The following ZSWIM5 variants were observed in gnomAD, a reference collection of about 807,000 sequenced individuals.
The protein encoded by ZSWIM5 is zinc finger SWIM domain-containing protein 5.
In ZSWIM5, 55 loss-of-function variants were observed where a neutral mutation model predicts 119.6. The ratio of observed to expected loss-of-function variants is 0.46; its 90% CI spans 0.37 to 0.58. The LOEUF is 0.58. Among genes scored for constraint, ZSWIM5 ranks in the 20% least tolerant of loss-of-function variants. The pLI, the probability that ZSWIM5 is intolerant of heterozygous loss-of-function variation, is 0.00. For missense variants in ZSWIM5, 1,193 were observed against 1,512.8 expected, an observed-to-expected ratio of 0.79 and a Z score of 3.51; for synonymous variants, 537 against 606.9, an observed-to-expected ratio of 0.88 and a Z score of 1.69.
intron 12 of ZSWIM5, 68 bp from the exon 13 acceptor site, chr1:45,020,215 T>A: frequency 7.9e-7 from 1 of 1,273,404 alleles, no homozygotes; most frequent in Non-Finnish European, 1.1e-6. Flanking sequence ...CCCCTTGCAT[T>A]CATTTATGCG....
chr1:45,075,044 A>T lies in ZSWIM5; in HGVS notation c.952+12837T>A, dbSNP rs990973383. Among the ~76,000 whole-genome samples, 20 of 151,694 alleles carry T rather than the reference A, an allele frequency of 1.3e-4. 1 individual carries two copies. Among genetic ancestry groups the T allele is most frequent in the African/African-American group, 4.9e-4 (20 of 41,140 alleles). ...GTTTCCAAAATTCCTCTTGTTATTG[A>T]TTTCTAGTTTTATTCCATTGTGGTC... On this transcript the variant is annotated intron_variant, in intron 2 of 13. Transcript: ENST00000359600.
At chr1:45,068,007 T>C (rs1645195557) in intron 2 of ZSWIM5, among the ~76,000 whole-genome samples, 1 of 151,946 alleles carries the variant, frequency 6.6e-6, no homozygotes, top group Admixed American at 6.6e-5. Context: ...AACCATTGTG[T>C]GGGTTCAGCC....
At chr1:45,097,735 T>G (rs1176761206) in intron 1 of ZSWIM5, among the ~76,000 whole-genome samples, 1 of 152,154 alleles carries the variant, frequency 6.6e-6, no homozygotes. Context: ...AAGGTCTCAC[T>G]CTGTCACCCA....
intron 1 of ZSWIM5, among the ~76,000 whole-genome samples, chr1:45,152,107 C>G (rs546793885): frequency 1.3e-5 from 2 of 152,184 alleles, no homozygotes; most frequent in East Asian, 3.9e-4. Flanking sequence ...CCATGTAGAC[C>G]ATACTTGGAT....
intron 1 of ZSWIM5, 44 bp downstream of exon 1, chr1:45,205,712 G>C (rs890033092): frequency 2.4e-5 from 36 of 1,482,188 alleles, no homozygotes; most frequent in Non-Finnish European, 3.1e-5. Flanking sequence ...GGCACCCGCG[G>C]AAGAGGAGGC....
At chr1:45,194,058 G>A (rs1327552108) in intron 1 of ZSWIM5, among the ~76,000 whole-genome samples, 1 of 151,986 alleles carries the variant, frequency 6.6e-6, no homozygotes, top group East Asian at 1.9e-4. Flanking sequence ...TCACAATAGG[G>A]AGCCATAATG....
intron 1 of ZSWIM5, among the ~76,000 whole-genome samples, chr1:45,145,873 G>A (rs1645756611): frequency 6.6e-6 from 1 of 152,164 alleles, no homozygotes; most frequent in Non-Finnish European, 1.5e-5. Context: ...AAGCAAAGGA[G>A]ACTGAGATGG....
chr1:45,127,036 G>A (rs1645625951), intron 1 of ZSWIM5, among the ~76,000 whole-genome samples: 1 of 152,054 alleles, frequency 6.6e-6, no homozygotes, highest in African/African-American at 2.4e-5. Flanking sequence ...CCTTTACCCT[G>A]ATACCAAAAC....
intron 1 of ZSWIM5, among the ~76,000 whole-genome samples, chr1:45,104,613 A>G (rs569731761): frequency 6.6e-6 from 1 of 152,324 alleles, no homozygotes; most frequent in South Asian, 2.1e-4. Flanking sequence ...CAAAGTGAGG[A>G]GCAGTATTGT....
intron 1 of ZSWIM5, among the ~76,000 whole-genome samples, chr1:45,165,959 T>A (rs1249779559): frequency 1.3e-5 from 2 of 152,076 alleles, no homozygotes; most frequent in African/African-American, 4.8e-5. Flanking sequence ...CCTCCCTAAC[T>A]CATTTTATGA....
At chr1:45,157,421 C>T (rs746599823) in intron 1 of ZSWIM5, among the ~76,000 whole-genome samples, 1 of 152,120 alleles carries the variant, frequency 6.6e-6, no homozygotes, top group Non-Finnish European at 1.5e-5. Context: ...GTGATCCTCC[C>T]ACCTTGGCCT....
chr1:45,148,871 A>G (rs1454164306), intron 1 of ZSWIM5, among the ~76,000 whole-genome samples: 1 of 152,256 alleles, frequency 6.6e-6, no homozygotes, highest in Non-Finnish European at 1.5e-5. Flanking sequence ...TGCTTGTCCT[A>G]TAATATTCAT....
intron 1 of ZSWIM5, among the ~76,000 whole-genome samples, chr1:45,162,851 C>A (rs1055701103): frequency 2.6e-5 from 4 of 152,240 alleles, no homozygotes; most frequent in Non-Finnish European, 5.9e-5. Context: ...CCCACCACAG[C>A]TCAAGGAGGC....
intron 1 of ZSWIM5, among the ~76,000 whole-genome samples, chr1:45,190,919 T>C (rs1646087481): frequency 7.5e-6 from 1 of 133,556 alleles, no homozygotes; most frequent in East Asian, 2.2e-4. Context: ...TCGACTGAAA[T>C]AGCTGGAATT....
At chr1:45,062,508 GTTGT>G (rs1645158695) in intron 2 of ZSWIM5, among the ~76,000 whole-genome samples, 1 of 151,870 alleles carries the variant, frequency 6.6e-6, no homozygotes, top group Non-Finnish European at 1.5e-5. Flanking sequence ...ATAGTTTTTT[GTTGT>G]TTGTTTTAGA....
rs1321001517 is a variant in ZSWIM5 at position 45,124,316 on chromosome 1, T to C, written c.596-36079A>G. On this transcript the variant is annotated intron_variant, in intron 1 of 13. Coordinates refer to ENST00000359600, the MANE Select transcript of ZSWIM5 (RefSeq NM_020883.2). ...TATGTAGAGAAAATATTTAAGCCAATTATAAATGGAGAAAGTAAAGAGATA... is the reference window on the plus strand; with the variant it reads ...TATGTAGAGAAAATATTTAAGCCAACTATAAATGGAGAAAGTAAAGAGATA... 3.9e-5 allele frequency among the ~76,000 whole-genome samples: 6 copies of C among 152,196 alleles called. No homozygotes were observed. In the South Asian group the frequency reaches 1.0e-3, roughly 26 times the overall value.
At chr1:45,154,455 T>G (rs1288450754) in intron 1 of ZSWIM5, among the ~76,000 whole-genome samples, 6 of 152,158 alleles carry the variant, frequency 3.9e-5, no homozygotes, top group Non-Finnish European at 8.8e-5. Flanking sequence ...TACAGCCAAC[T>G]AATCTTCGAC....
intron 1 of ZSWIM5, among the ~76,000 whole-genome samples, chr1:45,170,587 G>T (rs895525212): frequency 6.6e-6 from 1 of 151,556 alleles, no homozygotes; most frequent in Non-Finnish European, 1.5e-5. Flanking sequence ...ACCATGCCTG[G>T]CTAATTTTTT....
rs1008941730 is a variant in ZSWIM5, at chr1:45,040,892, C to T, written c.1610-354G>A. Among the ~76,000 whole-genome samples, 4 of 152,274 alleles carry T rather than the reference C, an allele frequency of 2.6e-5. No individual in the cohort carries two copies. In the South Asian group the frequency reaches 8.3e-4, roughly 32 times the overall value. On this transcript the variant is annotated intron_variant, in intron 6 of 13. Transcript: ENST00000359600. Reference sequence around the variant, plus strand: ...AGTCTCATTCATTTAATTAATCCTACATTTCCTGAAAACCTATTAAATGCC... The same window carrying T: ...AGTCTCATTCATTTAATTAATCCTATATTTCCTGAAAACCTATTAAATGCC...
Sources: allele counts gnomAD v4.1 joint callset (sites outside exome capture counted in the v4.1 genomes callset), GRCh38; gene constraint gnomAD v4.1.1; transcripts MANE v1.5; gene names NCBI Gene and HGNC (gene_info 2026-07-23, HGNC 2026-07-21).